Variants in PTK2B observed in about 807,000 individuals in gnomAD.
The protein encoded by PTK2B is protein-tyrosine kinase 2-beta.
Under a neutral mutation model 142.9 loss-of-function variants are expected in PTK2B, and 71 were observed. The ratio of observed to expected loss-of-function variants is 0.50; its 90% CI spans 0.41 to 0.61. PTK2B has a LOEUF of 0.61. Ranked by LOEUF, PTK2B falls within the 20% of genes least tolerant of loss-of-function variation. PTK2B has a pLI of 0.00. For missense variants in PTK2B, 1,105 were observed against 1,320.4 expected (o/e 0.84, Z 2.53); for synonymous variants, 519 against 503.4 (o/e 1.03, Z -0.42).
intron 6 of PTK2B, 60 bp from the exon 7 acceptor site, chr8:27,430,304 C>T (rs1810329425): frequency 5.0e-6 from 8 of 1,608,396 alleles, no homozygotes; most frequent in South Asian, 4.4e-5. Context: ...CTGATTGGCC[C>T]GCAGTCCTGT....
intron 2 of PTK2B, among the ~76,000 whole-genome samples, chr8:27,414,142 G>T (rs1468810184): frequency 2.0e-5 from 3 of 152,158 alleles, no homozygotes; most frequent in Admixed American, 2.0e-4. Context: ...CCCTAGCCCT[G>T]GAATCAGCCA....
At chr8:27,311,189 T>C (rs756612982), upstream of PTK2B, 28 of 1,601,398 alleles carry the variant, frequency 1.7e-5, no homozygotes, top group African/African-American at 1.3e-4. Context: ...CAACTCCTCC[T>C]TGAAGGAGCG....
intron 9 of PTK2B, among the ~76,000 whole-genome samples, chr8:27,431,919 T>TC (rs1356997366): frequency 1.3e-5 from 2 of 152,174 alleles, no homozygotes; most frequent in Admixed American, 6.5e-5. Context: ...AAGCCTGTGG[T>TC]CCCAGGATGG....
At chr8:27,370,496 C>T (rs546528750) in intron 1 of PTK2B, among the ~76,000 whole-genome samples, 34 of 152,354 alleles carry the variant, frequency 2.2e-4, no homozygotes, top group African/African-American at 7.0e-4. Flanking sequence ...AGAGCCCTTC[C>T]GTTACGGCCT....
chr8:27,364,586 G>A (rs771344146), intron 1 of PTK2B, among the ~76,000 whole-genome samples: 2 of 152,190 alleles, frequency 1.3e-5, no homozygotes, highest in African/African-American at 2.4e-5. Context: ...GTACTGCAGG[G>A]ACTGAACAGA....
intron 1 of PTK2B, among the ~76,000 whole-genome samples, chr8:27,390,756 G>C (rs1009147072): frequency 6.6e-6 from 1 of 152,170 alleles, no homozygotes; most frequent in Admixed American, 6.5e-5. Flanking sequence ...ATGTGCCAAG[G>C]AGTTTGCAGA....
chr8:27,439,188 T>C (rs2132207665), intron 19 of PTK2B, 57 bp downstream of exon 19: 1 of 1,578,564 alleles, frequency 6.3e-7, no homozygotes, highest in Non-Finnish European at 8.7e-7. Context: ...AAGCCAAAAA[T>C]TCCAGAAGAA....
intron 18 of PTK2B, among the ~76,000 whole-genome samples, chr8:27,438,573 G>A (rs79555030): frequency 0.066 from 6,908 of 104,376 alleles, 212 homozygotes; most frequent in South Asian, 0.13. Context: ...AACCAGTCCT[G>A]TGGAAATGCA....
intron 1 of PTK2B, among the ~76,000 whole-genome samples, chr8:27,387,062 G>T (rs1807408932): frequency 6.6e-6 from 1 of 152,200 alleles, no homozygotes; most frequent in Non-Finnish European, 1.5e-5. Flanking sequence ...CATCAGAAAA[G>T]CAGGTTCATC....
At chr8:27,310,806 A>G, upstream of PTK2B, 1 of 1,583,482 alleles carries the variant, frequency 6.3e-7, no homozygotes, top group Non-Finnish European at 8.6e-7. Context: ...CTTACCCGAA[A>G]GTCGTGGGCA....
intron 2 of PTK2B, among the ~76,000 whole-genome samples, chr8:27,400,695 T>C (rs571078023): frequency 1.3e-5 from 2 of 152,292 alleles, no homozygotes; most frequent in Non-Finnish European, 2.9e-5. Flanking sequence ...TGGGTGTTGG[T>C]ACTATTCATT....
chr8:27,454,738 T>A, intron 30 of PTK2B, 127 bp downstream of exon 30: 1 of 963,238 alleles, frequency 1.0e-6, no homozygotes, highest in Non-Finnish European at 1.6e-6. Context: ...CCAGGTGGGT[T>A]CTATGTGGCT....
At chr8:27,324,218 C>T (rs1458908322), upstream of PTK2B, among the ~76,000 whole-genome samples, 1 of 152,236 alleles carries the variant, frequency 6.6e-6, no homozygotes, top group African/African-American at 2.4e-5. Context: ...TGGCCAAGTT[C>T]TCCCACCTGA....
Position 27,445,937 on chromosome 8 carries a change from G to A in PTK2B, c.2340+18G>A. Reference sequence around the variant, plus strand: ...GCATGCGGGTAAGAGGGCTCTGCATGCTGGTCCCTGCCCGGACTGAGGAGG... The same window carrying A: ...GCATGCGGGTAAGAGGGCTCTGCATACTGGTCCCTGCCCGGACTGAGGAGG... On this transcript the variant is annotated intron_variant, in intron 24 of 30. Transcript: ENST00000346049. 1.2e-6 allele frequency: 2 copies of A among 1,612,346 alleles called. No homozygotes were observed. The highest frequency in any genetic ancestry group is 1.7e-6 in the Non-Finnish European group (2 of 1,180,008).
At chr8:27,346,844 C>T (rs1175150643) in intron 1 of PTK2B, among the ~76,000 whole-genome samples, 2 of 152,222 alleles carry the variant, frequency 1.3e-5, no homozygotes, top group Non-Finnish European at 2.9e-5. Flanking sequence ...TTTCACTGAG[C>T]CAAACTGTCT....
At chr8:27,448,359 G>A (rs867060502) in intron 24 of PTK2B, among the ~76,000 whole-genome samples, 1 of 152,366 alleles carries the variant, frequency 6.6e-6, no homozygotes, top group Middle Eastern at 3.4e-3. Context: ...TTTAAGAATA[G>A]AATGTAATGA....
At chr8:27,356,435 G>C (rs1477193938) in intron 1 of PTK2B, among the ~76,000 whole-genome samples, 2 of 152,226 alleles carry the variant, frequency 1.3e-5, no homozygotes, top group Admixed American at 6.5e-5. Context: ...TTGAAGGATT[G>C]ATAAGAATGA....
At chr8:27,330,168 C>T (rs957098344) in intron 1 of PTK2B, among the ~76,000 whole-genome samples, 3 of 152,134 alleles carry the variant, frequency 2.0e-5, no homozygotes, top group Admixed American at 2.0e-4. Context: ...ATAATAGCAT[C>T]TTATGCACCC....
At chr8:27,416,871 A>C (rs1809432376) in intron 2 of PTK2B, among the ~76,000 whole-genome samples, 1 of 152,260 alleles carries the variant, frequency 6.6e-6, no homozygotes. Context: ...CAATATCATT[A>C]GTCATCAGAG....
Sources: allele counts gnomAD v4.1 joint callset (sites outside exome capture counted in the v4.1 genomes callset), GRCh38; gene constraint gnomAD v4.1.1; transcripts MANE v1.5; gene names NCBI Gene and HGNC (gene_info 2026-07-23, HGNC 2026-07-21).